The following FSTL5 variants were observed in gnomAD, a reference collection of about 807,000 sequenced individuals.
FSTL5 encodes the protein follistatin like 5.
Under a neutral mutation model 89.1 loss-of-function variants are expected in FSTL5, and 62 were observed. The observed-to-expected ratio is 0.70, with a 90% CI of 0.57 to 0.86. The LOEUF (loss-of-function observed/expected upper bound fraction) is 0.86. Ranked by LOEUF, FSTL5 falls within the 40% of genes least tolerant of loss-of-function variation. FSTL5 has a pLI of 0.00. For missense variants in FSTL5, 1,057 were observed against 1,001.6 expected (o/e 1.06, Z -0.75); for synonymous variants, 383 against 346.2 (o/e 1.11, Z -1.18).
chr4:161,701,397 C>T (rs188730712), intron 6 of FSTL5, among the ~76,000 whole-genome samples: 3 of 152,178 alleles, frequency 2.0e-5, no homozygotes, highest in Admixed American at 1.3e-4. Context: ...ATGTTATTCT[C>T]ACTTAGAAAA....
At chr4:161,988,514 A>G (rs1736026760) in intron 3 of FSTL5, among the ~76,000 whole-genome samples, 1 of 152,190 alleles carries the variant, frequency 6.6e-6, no homozygotes, top group Non-Finnish European at 1.5e-5. Flanking sequence ...AAACTTCCAC[A>G]TTAAACAATT....
At chr4:162,080,070 T>C (rs922463366) in intron 2 of FSTL5, among the ~76,000 whole-genome samples, 3 of 151,586 alleles carry the variant, frequency 2.0e-5, no homozygotes, top group African/African-American at 7.3e-5. Context: ...CCCAGAATGA[T>C]ATTTTTTGTG....
At chr4:161,626,174 T>C (rs1038568619) in intron 7 of FSTL5, among the ~76,000 whole-genome samples, 5 of 152,130 alleles carry the variant, frequency 3.3e-5, no homozygotes, top group African/African-American at 4.8e-5. Flanking sequence ...ATTTTTAATG[T>C]AGACAAAACC....
chr4:161,952,603 G>A (rs549601266), intron 3 of FSTL5, among the ~76,000 whole-genome samples: 195 of 151,902 alleles, frequency 1.3e-3, no homozygotes, highest in Admixed American at 3.7e-3. Flanking sequence ...GTGAAGGCAC[G>A]CCACCTGGCT....
In FSTL5 at chr4:161,393,271, T is replaced by A. The variant is rs73859971; in HGVS notation, c.1842-6822A>T. 3.2e-3 allele frequency among the ~76,000 whole-genome samples: 484 copies of A among 151,736 alleles called. 3 individuals are homozygous for A. The highest frequency in any genetic ancestry group is 0.011 in the African/African-American group (466 of 41,354). ...AGAGAGATAGTAACTGAAAAAAAAA[T>A]TTATGAAGAAACAGGTTTTGCATGA... On this transcript the variant is annotated intron_variant, in intron 15 of 15. Coordinates refer to ENST00000306100, the MANE Select transcript of FSTL5 (RefSeq NM_020116.5).
intron 4 of FSTL5, among the ~76,000 whole-genome samples, chr4:161,821,120 C>T (rs1730480492): frequency 6.6e-6 from 1 of 152,108 alleles, no homozygotes; most frequent in Non-Finnish European, 1.5e-5. Flanking sequence ...TCATTACAGC[C>T]TTGAACTCCT....
intron 3 of FSTL5, among the ~76,000 whole-genome samples, chr4:162,009,516 C>A (rs1320919105): frequency 6.6e-6 from 1 of 151,862 alleles, no homozygotes; most frequent in Admixed American, 6.6e-5. Flanking sequence ...ATAAAATATG[C>A]CACCCCAAAA....
chr4:161,613,083 C>T (rs932812236), intron 7 of FSTL5, among the ~76,000 whole-genome samples: 3 of 152,098 alleles, frequency 2.0e-5, no homozygotes, highest in Admixed American at 1.3e-4. Context: ...CAAAGATAAT[C>T]ACAGCATTTC....
intron 4 of FSTL5, among the ~76,000 whole-genome samples, chr4:161,784,724 C>T (rs1313948874): frequency 6.6e-6 from 1 of 151,838 alleles, no homozygotes; most frequent in African/African-American, 2.4e-5. Context: ...GAAACCCCAT[C>T]TCTACTAAAA....
intron 7 of FSTL5, among the ~76,000 whole-genome samples, chr4:161,639,578 C>T (rs1578987373): frequency 1.3e-5 from 2 of 152,250 alleles, no homozygotes; most frequent in East Asian, 3.9e-4. Flanking sequence ...TGTCTCTACA[C>T]CTAGACAATA....
chr4:161,832,160 C>T (rs1056891544), intron 4 of FSTL5, among the ~76,000 whole-genome samples: 1 of 152,040 alleles, frequency 6.6e-6, no homozygotes. Flanking sequence ...ACTTAAGGAC[C>T]CTTCAAATGA....
At chr4:162,129,827 T>C (rs2111454976) in intron 1 of FSTL5, among the ~76,000 whole-genome samples, 1 of 152,300 alleles carries the variant, frequency 6.6e-6, no homozygotes, top group South Asian at 2.1e-4. Flanking sequence ...GAGATAGTAG[T>C]CAGAAATATC....
intron 3 of FSTL5, among the ~76,000 whole-genome samples, chr4:162,024,696 C>T (rs932937400): frequency 1.3e-5 from 2 of 152,038 alleles, no homozygotes; most frequent in Non-Finnish European, 1.5e-5. Flanking sequence ...GGGTCACATT[C>T]TATTACCCAG....
At position 161,529,109 on chromosome 4, in the gene FSTL5, G is replaced by C. The variant is rs891466161; in HGVS notation, c.1312+9057C>G. 2.1e-5 allele frequency among the ~76,000 whole-genome samples: 3 copies of C among 143,132 alleles called. 1 individual carries two copies. Among genetic ancestry groups the C allele is most frequent in the African/African-American group, 7.5e-5 (3 of 39,998 alleles). 93.9% of individuals were successfully genotyped at this position (143,132 alleles called of 152,430 possible). A position where few individuals can be genotyped will look rare whatever the true frequency, so the allele number is the denominator to read the frequency against. ...AAAGCATTATTTCTTATTTTGTTGT[G>C]TAGACAATAAAGATGCCCAGTAGTT... On this transcript the variant is annotated intron_variant, in intron 10 of 15. Coordinates refer to ENST00000306100, the MANE Select transcript of FSTL5 (RefSeq NM_020116.5).
intron 2 of FSTL5, among the ~76,000 whole-genome samples, chr4:162,097,399 G>A (rs1160236699): frequency 6.6e-6 from 1 of 151,600 alleles, no homozygotes; most frequent in Non-Finnish European, 1.5e-5. Context: ...TTAATCATAT[G>A]TAACTTGTAG....
intron 11 of FSTL5, among the ~76,000 whole-genome samples, chr4:161,504,478 GT>G (rs80255593): frequency 3.4e-5 from 5 of 147,764 alleles, no homozygotes; most frequent in African/African-American, 5.0e-5. Context: ...TTTCGTTTTT[GT>G]TTTTTTTTTC....
chr4:161,680,711 T>A (rs970034943), intron 6 of FSTL5, among the ~76,000 whole-genome samples: 1 of 151,536 alleles, frequency 6.6e-6, no homozygotes, highest in African/African-American at 2.4e-5. Flanking sequence ...TAAAATATAT[T>A]TTTTTATATG....
intron 4 of FSTL5, among the ~76,000 whole-genome samples, chr4:161,799,356 C>A (rs1729728958): frequency 6.6e-6 from 1 of 151,528 alleles, no homozygotes; most frequent in Admixed American, 6.6e-5. Flanking sequence ...ATTTTACTTA[C>A]AACTGTTTTG....
At chr4:161,849,962 T>C (rs559107201) in intron 4 of FSTL5, among the ~76,000 whole-genome samples, 2 of 152,314 alleles carry the variant, frequency 1.3e-5, no homozygotes, top group South Asian at 4.1e-4. Flanking sequence ...AATCCATTTA[T>C]GTCTTAACAA....
Sources: allele counts gnomAD v4.1 joint callset (sites outside exome capture counted in the v4.1 genomes callset), GRCh38; gene constraint gnomAD v4.1.1; transcripts MANE v1.5; gene names NCBI Gene and HGNC (gene_info 2026-07-23, HGNC 2026-07-21).